Variants in SLCO1C1 observed in about 807,000 individuals in gnomAD.
SLCO1C1 encodes OAT-RP-5.
SLCO1C1 carries 70 observed loss-of-function variants against 76.4 expected under a neutral mutation model. That is an observed-to-expected ratio of 0.92 (90% CI 0.76 to 1.12). The LOEUF (loss-of-function observed/expected upper bound fraction) is 1.12. Among genes scored for constraint, SLCO1C1 ranks in the 50% most tolerant of loss-of-function variants. The probability of loss-of-function intolerance (pLI) is 0.00; values close to 1 mark genes in which losing one functional copy is unlikely to be tolerated. For synonymous variants in SLCO1C1, 306 were observed against 286.1 expected (o/e 1.07, Z -0.70); for missense variants, 912 against 823.8 (o/e 1.11, Z -1.31).
At chr12:20,746,889 C>T (rs374621982) in intron 13 of SLCO1C1, among the ~76,000 whole-genome samples, 41 of 151,074 alleles carry the variant, frequency 2.7e-4, no homozygotes, top group East Asian at 2.0e-3. Flanking sequence ...CAACTAAATA[C>T]AATGTGTTTA....
rs1454800814 is a variant in SLCO1C1 at position 20,752,491 on chromosome 12, A to G, written c.2102A>G (p.Gln701Arg). Residue 701 changes from glutamine to arginine, a missense_variant, in exon 15 of 15, where the codon CAA becomes CGA. Physicochemically the swap from Gln to Arg is conservative, Grantham distance 43. Coordinates refer to ENST00000266509, the MANE Select transcript of SLCO1C1 (RefSeq NM_017435.5). Reference protein sequence around the residue: ...ENYTTSDHLLQPNYWPGKETQ... With the variant: ...ENYTTSDHLLRPNYWPGKETQ... ...TACACTACAAGTGATCATCTGCTAC[A>G]ACCCAACTACTGGCCAGGCAAGGAA... The G allele has an allele frequency of 1.2e-5, 19 of 1,608,060 alleles. No homozygotes were observed. The highest frequency in any genetic ancestry group is 1.6e-5 in the Non-Finnish European group (19 of 1,176,418).
chr12:20,703,434 A>G (rs1946621550), intron 3 of SLCO1C1, among the ~76,000 whole-genome samples: 1 of 151,658 alleles, frequency 6.6e-6, no homozygotes, highest in South Asian at 2.1e-4. Flanking sequence ...TTACCTTATT[A>G]CATTAGCCTC....
intron 13 of SLCO1C1, among the ~76,000 whole-genome samples, chr12:20,745,463 T>A (rs1165274240): frequency 1.3e-5 from 2 of 152,110 alleles, no homozygotes; most frequent in African/African-American, 2.4e-5. Context: ...GATAAAGCAA[T>A]TGAAATGTTA....
At position 20,740,268 on chromosome 12, in the gene SLCO1C1, A is replaced by G. The variant is rs1205959417; in HGVS notation, c.1633A>G (p.Asn545Asp). ...SGIVGRCQKD[N>D]GCPQMFLYFL... Reference sequence around the variant, plus strand: ...CATAGTGGGAAGATGTCAGAAAGACAATGGATGTCCCCAAATGTTTCTGTA... The same window carrying G: ...CATAGTGGGAAGATGTCAGAAAGACGATGGATGTCCCCAAATGTTTCTGTA... The change falls in exon 12 of 15, where the codon AAT becomes GAT. Residue 545 changes from asparagine to aspartate, a missense_variant. By Grantham distance (23) the Asn-to-Asp change is conservative. Transcript: ENST00000266509. 2 of 1,613,996 alleles carry G rather than the reference A, an allele frequency of 1.2e-6. No individual in the cohort carries two copies. The highest frequency in any genetic ancestry group is 8.5e-7 in the Non-Finnish European group (1 of 1,179,942).
intron 5 of SLCO1C1, 106 bp from the exon 6 acceptor site, chr12:20,715,033 A>G (rs1263658474): frequency 7.3e-7 from 1 of 1,378,728 alleles, no homozygotes; most frequent in Non-Finnish European, 9.9e-7. Context: ...TTGCACAAAA[A>G]CTCCTGCATT....
At chr12:20,752,254 C>A in intron 14 of SLCO1C1, 52 bp from the exon 15 acceptor site, 1 of 1,243,952 alleles carries the variant, frequency 8.0e-7, no homozygotes, top group East Asian at 2.4e-5. Flanking sequence ...TTTAAATTTT[C>A]TTTCAAGTTG....
chr12:20,752,685 T>C lies in SLCO1C1; in HGVS notation c.*157T>C, dbSNP rs548435459. 9.1e-5 allele frequency: 44 copies of C among 481,716 alleles called. No homozygotes were observed. Among genetic ancestry groups the C allele is most frequent in the Non-Finnish European group, 1.3e-4 (36 of 280,064 alleles). 29.8% of individuals were successfully genotyped at this position (481,716 alleles called of 1,614,324 possible). A position where few individuals can be genotyped will look rare whatever the true frequency, so the allele number is the denominator to read the frequency against. The stretch of plus-strand genomic sequence containing the variant: ...GCATTAGGTAATATAACTGATAATA[T>C]ACTGAAACATATAATGGAAGATGCA... On this transcript the variant is annotated 3_prime_UTR_variant, in exon 15 of 15. Transcript: ENST00000266509.
chr12:20,705,998 CA>C lies in SLCO1C1; in HGVS notation c.322del (p.Arg108GlyfsTer4). The C allele has an allele frequency of 1.2e-6, 2 of 1,613,418 alleles. No homozygotes were observed. Among genetic ancestry groups the C allele is most frequent in the Non-Finnish European group, 1.7e-6 (2 of 1,179,452 alleles). On this transcript the variant is annotated frameshift_variant, in exon 4 of 15. Coordinates refer to ENST00000266509, the MANE Select transcript of SLCO1C1 (RefSeq NM_017435.5). LOFTEE classifies it high-confidence loss of function. ...TTAGCTACTTTGGAGCCAAACTTCA[CA>C]GGCCAAAAATAATTGGAGCAGGGTG... ...FVSYFGAKLH[R>X]PKIIGAGCVI...
At chr12:20,723,384 A>C in intron 9 of SLCO1C1, 130 bp downstream of exon 9, 1 of 1,108,320 alleles carries the variant, frequency 9.0e-7, no homozygotes, top group Non-Finnish European at 1.3e-6. Context: ...CTCAAAAAGT[A>C]ACAAGAATGT....
At chr12:20,739,964 A>G (rs1948723253) in intron 11 of SLCO1C1, among the ~76,000 whole-genome samples, 1 of 152,192 alleles carries the variant, frequency 6.6e-6, no homozygotes, top group Admixed American at 6.5e-5. Flanking sequence ...ATTGTTGTAC[A>G]GGATTAGTAG....
chr12:20,710,081 A>G (rs1592238419), intron 4 of SLCO1C1, among the ~76,000 whole-genome samples: 1 of 152,006 alleles, frequency 6.6e-6, no homozygotes, highest in East Asian at 1.9e-4. Context: ...GGGTTCATGA[A>G]CCCATTGAGG....
At chr12:20,747,907 C>T (rs981992829) in intron 13 of SLCO1C1, among the ~76,000 whole-genome samples, 3 of 152,182 alleles carry the variant, frequency 2.0e-5, no homozygotes, top group Admixed American at 6.5e-5. Context: ...ATACACAGCT[C>T]ATCTTAGGAC....
intron 1 of SLCO1C1, among the ~76,000 whole-genome samples, chr12:20,698,239 CTTA>C (rs928014686): frequency 2.0e-5 from 3 of 151,494 alleles, no homozygotes; most frequent in African/African-American, 7.3e-5. Context: ...CTTTGTTTTG[CTTA>C]TTTTTTGTTT....
At chr12:20,702,295 T>C (rs1156800725) in intron 3 of SLCO1C1, among the ~76,000 whole-genome samples, 1 of 151,862 alleles carries the variant, frequency 6.6e-6, no homozygotes, top group Non-Finnish European at 1.5e-5. Context: ...AACAATTTAT[T>C]TCTTTTCATA....
intron 7 of SLCO1C1, among the ~76,000 whole-genome samples, chr12:20,719,539 T>G (rs1427020551): frequency 6.6e-6 from 1 of 152,148 alleles, no homozygotes; most frequent in Non-Finnish European, 1.5e-5. Context: ...TTTATAAAAG[T>G]GATACTCCAG....
chr12:20,697,812 G>A lies in SLCO1C1; in HGVS notation c.-25-1740G>A, dbSNP rs1212855170. 3.9e-5 allele frequency among the ~76,000 whole-genome samples: 6 copies of A among 152,064 alleles called. No homozygotes were observed. In the East Asian group the frequency reaches 9.7e-4, roughly 25 times the overall value. The stretch of plus-strand genomic sequence containing the variant: ...TACTTAGAATTTTTATAATCTATGG[G>A]CTTGATCTGAAGTTTTCCTTTCTGT... On this transcript the variant is annotated intron_variant, in intron 1 of 14. Transcript: ENST00000266509.
At chr12:20,728,472 C>G (rs1326783292) in intron 9 of SLCO1C1, among the ~76,000 whole-genome samples, 1 of 151,618 alleles carries the variant, frequency 6.6e-6, no homozygotes, top group Non-Finnish European at 1.5e-5. Flanking sequence ...GACAAGATCT[C>G]TAGTAGACAA....
intron 13 of SLCO1C1, among the ~76,000 whole-genome samples, chr12:20,747,087 T>C (rs1949080513): frequency 6.6e-6 from 1 of 152,184 alleles, no homozygotes; most frequent in East Asian, 1.9e-4. Flanking sequence ...GAAATATACA[T>C]AATTGAAATG....
chr12:20,750,556 A>T, intron 13 of SLCO1C1, 119 bp from the exon 14 acceptor site: 1 of 866,610 alleles, frequency 1.2e-6, no homozygotes, highest in East Asian at 2.4e-5. Flanking sequence ...TCAGCATGTA[A>T]TTGATGGCCT....
Sources: allele counts gnomAD v4.1 joint callset (sites outside exome capture counted in the v4.1 genomes callset), GRCh38; gene constraint gnomAD v4.1.1; transcripts MANE v1.5; gene names NCBI Gene and HGNC (gene_info 2026-07-23, HGNC 2026-07-21).